Variants in WDR97 observed in about 807,000 individuals in gnomAD.
WDR97 encodes WD repeat domain 97.
Under a neutral mutation model 65.4 loss-of-function variants are expected in WDR97, and 111 were observed. The observed-to-expected ratio is 1.70, with a 90% confidence interval of 1.45 to 1.99. WDR97 has a LOEUF of 1.99. WDR97 is among the 30% of genes most tolerant of loss of function. The pLI, the probability that WDR97 is intolerant of heterozygous loss-of-function variation, is 0.00. For missense variants in WDR97, 1,674 were observed against 865.0 expected (o/e 1.94, Z -11.73); for synonymous variants, 802 against 397.7 (o/e 2.02, Z -12.10).
chr8:144,116,242 C>T lies in WDR97; in HGVS notation c.4818C>T (p.Ala1606=), dbSNP rs770232289. 1 of 677,102 alleles carries T rather than the reference C, an allele frequency of 1.5e-6. No homozygotes were observed. The highest frequency in any genetic ancestry group is 1.5e-5 in the South Asian group (1 of 65,112). The allele number at this position is 677,102 out of a possible 1,614,324, so 41.9% of individuals were successfully genotyped here. The part of the protein sequence containing the change: ...RPLPPRLLQP[A]LQRYFLPADA... Reference sequence around the variant, plus strand: ...TGCCCCCGCGGCTCCTGCAGCCGGCCCTGCAGCGCTACTTTCTGCCAGCGG... The same window carrying T: ...TGCCCCCGCGGCTCCTGCAGCCGGCTCTGCAGCGCTACTTTCTGCCAGCGG... The change falls in exon 24 of 24, where the codon GCC becomes GCT. Residue 1606 remains alanine (A), a synonymous_variant. Transcript: ENST00000323662.
chr8:144,111,328 C>T, intron 10 of WDR97, 98 bp from the exon 11 acceptor site: 1 of 702,764 alleles, frequency 1.4e-6, no homozygotes, highest in Non-Finnish European at 2.6e-6. Flanking sequence ...CTGCCTGAGC[C>T]CTGGCACACC....
At position 144,114,167 on chromosome 8, in the gene WDR97, G is replaced by C; in HGVS notation, c.3594+5G>C. ...TTCCCCATCTTCAGCCTGCAGGTTG[G>C]AGGGAACTGGGGATGCATGAGAAGC... On this transcript the variant is annotated splice_donor_5th_base_variant and intron_variant, in intron 18 of 23. Transcript: ENST00000323662. 5 of 702,444 alleles carry C rather than the reference G, an allele frequency of 7.1e-6. No homozygotes were observed. The highest frequency in any genetic ancestry group is 1.3e-5 in the Non-Finnish European group (5 of 384,708). The allele number at this position is 702,444 out of a possible 1,614,324, so 43.5% of individuals were successfully genotyped here. A position where few individuals can be genotyped will look rare whatever the true frequency, so the allele number is the denominator to read the frequency against.
Position 144,109,436 on chromosome 8 carries a change from G to A in WDR97, c.1102G>A (p.Val368Met). 1 of 701,890 alleles carries A rather than the reference G, an allele frequency of 1.4e-6. No individual in the cohort carries two copies. Among genetic ancestry groups the A allele is most frequent in the Non-Finnish European group, 2.6e-6 (1 of 384,568 alleles). The allele number at this position is 701,890 out of a possible 1,614,324, so 43.5% of individuals were successfully genotyped here. ...CTGGGACCTGCAGGCGGCGGCGCAG[G>A]TGGGCGAGGTAGCGCTGGGCTTCTG... ...RTWDLQAAAQ[V>M]GEVALGFWGQ... Residue 368 changes from valine (V) to methionine (M), a missense_variant, in exon 5 of 24, where the codon GTG becomes ATG. Transcript: ENST00000323662.
Position 144,108,215 on chromosome 8 carries a change from C to A in WDR97, c.249+20C>A, listed in dbSNP as rs1836457158. 2.9e-6 allele frequency: 2 copies of A among 697,758 alleles called. No individual in the cohort carries two copies. The highest frequency in any genetic ancestry group is 2.7e-5 in the East Asian group (1 of 37,152). 43.2% of individuals were successfully genotyped at this position (697,758 alleles called of 1,614,324 possible). On this transcript the variant is annotated intron_variant, in intron 2 of 23. Transcript: ENST00000323662. ...GAAAAGGTGCGGTGTGCCTGTCCTG[C>A]GCCTCCTGGCCTCTTTCCGGATCTG...
At position 144,115,708 on chromosome 8, in the gene WDR97, GC is replaced by G. The variant is rs760018106; in HGVS notation, c.4449del (p.Ile1484SerfsTer69). The G allele has an allele frequency of 1.4e-6, 1 of 701,564 alleles. No homozygotes were observed. The highest frequency in any genetic ancestry group is 2.0e-5 in the Admixed American group (1 of 49,940). 43.5% of individuals were successfully genotyped at this position (701,564 alleles called of 1,614,324 possible). A position where few individuals can be genotyped will look rare whatever the true frequency, so the allele number is the denominator to read the frequency against. ...DWSHSQLLDL[G>X]PIDALNFFCE... is the part of the protein sequence containing the mutation. ...TCGCACTCGCAGCTGCTGGACTTGGGCCCCATCGACGCGCTCAACTTCTTCT... is the reference window on the plus strand; with the variant it reads ...TCGCACTCGCAGCTGCTGGACTTGGGCCCATCGACGCGCTCAACTTCTTCT... On this transcript the variant is annotated frameshift_variant, in exon 22 of 24. Coordinates refer to ENST00000323662, the MANE Select transcript of WDR97 (RefSeq NM_001316309.2). LOFTEE classifies it high-confidence loss of function.
chr8:144,113,810 C>A lies in WDR97; in HGVS notation c.3337C>A (p.Leu1113Met), dbSNP rs767046267. The A allele has an allele frequency of 1.0e-5, 7 of 702,288 alleles. No individual in the cohort carries two copies. The highest frequency in any genetic ancestry group is 2.3e-4 in the Middle Eastern group (1 of 4,384). The allele number at this position is 702,288 out of a possible 1,614,324, so 43.5% of individuals were successfully genotyped here. ...EEEEEKEDEE[L>M]DWALASLSPH... Reference sequence around the variant, plus strand: ...GGAGGAGGAGAAGGAAGACGAGGAGCTGGACTGGGCCTTGGCTTCCCTGAG... The same window carrying A: ...GGAGGAGGAGAAGGAAGACGAGGAGATGGACTGGGCCTTGGCTTCCCTGAG... The change falls in exon 17 of 24, where the codon CTG becomes ATG. Residue 1113 changes from leucine to methionine, a missense_variant. Transcript: ENST00000323662.
In WDR97 at chr8:144,110,523, GA is replaced by G; in HGVS notation, c.2027del (p.Asp676AlafsTer5). ...CGGCCTGGTGCAGTTTGGCCTGGGC[GA>G]CAGTCCGCGATTAGACCACCGGCCC... ...TYGLVQFGLGDSPRLDHRPQD... is the reference protein window; with the variant it reads ...TYGLVQFGLGXSPRLDHRPQD... On this transcript the variant is annotated frameshift_variant, in exon 7 of 24. Transcript: ENST00000323662. LOFTEE classifies it high-confidence loss of function. 1 of 702,896 alleles carries G rather than the reference GA, an allele frequency of 1.4e-6. No individual in the cohort carries two copies. The highest frequency in any genetic ancestry group is 2.6e-6 in the Non-Finnish European group (1 of 384,956). 43.5% of individuals were successfully genotyped at this position (702,896 alleles called of 1,614,324 possible). A position where few individuals can be genotyped will look rare whatever the true frequency, so the allele number is the denominator to read the frequency against.
In WDR97 at chr8:144,113,818, G is replaced by T; in HGVS notation, c.3345G>T (p.Trp1115Cys). The T allele has an allele frequency of 1.4e-6, 1 of 702,448 alleles. No individual in the cohort carries two copies. The highest frequency in any genetic ancestry group is 2.6e-6 in the Non-Finnish European group (1 of 384,618). The allele number at this position is 702,448 out of a possible 1,614,324, so 43.5% of individuals were successfully genotyped here. ...AGAAGGAAGACGAGGAGCTGGACTGGGCCTTGGCTTCCCTGAGCCCGCACT... is the reference window on the plus strand; with the variant it reads ...AGAAGGAAGACGAGGAGCTGGACTGTGCCTTGGCTTCCCTGAGCCCGCACT... ...EEEKEDEELDWALASLSPHSN... is the reference protein window; with the variant it reads ...EEEKEDEELDCALASLSPHSN... The change falls in exon 17 of 24, where the codon TGG becomes TGT. Residue 1115 changes from tryptophan (W) to cysteine (C), a missense_variant. Transcript: ENST00000323662.
intron 15 of WDR97, chr8:144,113,214 G>A (rs547386902): frequency 5.1e-5 from 29 of 566,492 alleles, no homozygotes; most frequent in Non-Finnish European, 6.8e-5. Context: ...TTCCCTTCTC[G>A]TTTGTCAGAG....
intron 15 of WDR97, 177 bp downstream of exon 15, chr8:144,112,707 C>T (rs1836575208): frequency 3.2e-6 from 2 of 619,418 alleles, no homozygotes; most frequent in South Asian, 3.6e-5. Context: ...CACCCTTCAC[C>T]CTCTGTCTAG....
At position 144,108,942 on chromosome 8, in the gene WDR97, A is replaced by C; in HGVS notation, c.876A>C (p.Lys292Asn). ...TAGATGTGCGCCGGGATTTGCACAA[A>C]ACGTGAGGGGGATCCCCCTAGGGAG... ...TLVDVRRDLHKTTISDLAYCE... is the reference protein window; with the variant it reads ...TLVDVRRDLHNTTISDLAYCE... The change falls in exon 3 of 24, where the codon AAA (lysine) becomes AAC (asparagine). Residue 292 changes from lysine (K) to asparagine (N), a missense_variant and splice_region_variant. By Grantham distance (94) the Lys-to-Asn change is moderately conservative. Coordinates refer to ENST00000323662, the MANE Select transcript of WDR97 (RefSeq NM_001316309.2). The C allele has an allele frequency of 1.4e-6, 1 of 702,956 alleles. No homozygotes were observed. The highest frequency in any genetic ancestry group is 1.5e-5 in the South Asian group (1 of 67,602). 43.5% of individuals were successfully genotyped at this position (702,956 alleles called of 1,614,324 possible). A position where few individuals can be genotyped will look rare whatever the true frequency, so the allele number is the denominator to read the frequency against.
At position 144,111,239 on chromosome 8, in the gene WDR97, C is replaced by T; in HGVS notation, c.2426+17C>T. The T allele has an allele frequency of 1.4e-6, 1 of 702,698 alleles. No individual in the cohort carries two copies. Among genetic ancestry groups the T allele is most frequent in the Non-Finnish European group, 2.6e-6 (1 of 384,992 alleles). 43.5% of individuals were successfully genotyped at this position (702,698 alleles called of 1,614,324 possible). On this transcript the variant is annotated intron_variant, in intron 10 of 23. Transcript: ENST00000323662. ...CAGCCTCAGGTCCCATGCAGGCCTG[C>T]TCAGCCCTCCTGGAGGCCCTCCTTT...
At position 144,108,215 on chromosome 8, in the gene WDR97, C is replaced by T; in HGVS notation, c.249+20C>T. The T allele has an allele frequency of 2.9e-6, 2 of 697,760 alleles. No individual in the cohort carries two copies. Among genetic ancestry groups the T allele is most frequent in the East Asian group, 2.7e-5 (1 of 37,152 alleles). 43.2% of individuals were successfully genotyped at this position (697,760 alleles called of 1,614,324 possible). A position where few individuals can be genotyped will look rare whatever the true frequency, so the allele number is the denominator to read the frequency against. On this transcript the variant is annotated intron_variant, in intron 2 of 23. Transcript: ENST00000323662. ...GAAAAGGTGCGGTGTGCCTGTCCTG[C>T]GCCTCCTGGCCTCTTTCCGGATCTG...
At position 144,115,403 on chromosome 8, in the gene WDR97, G is replaced by A. The variant is rs748805712; in HGVS notation, c.4140G>A (p.Ser1380=). 47 of 651,422 alleles carry A rather than the reference G, an allele frequency of 7.2e-5. No homozygotes were observed. The highest frequency in any genetic ancestry group is 5.1e-4 in the South Asian group (31 of 60,904). 40.4% of individuals were successfully genotyped at this position (651,422 alleles called of 1,614,324 possible). The part of the protein sequence containing the change: ...GAPTRASVIP[S]GTSWSASGIF... ...CCACACGCGCCTCCGTGATACCCTC[G>A]GGCACCTCCTGGTCGGCCTCCGGCA... Residue 1380 remains serine (S), a synonymous_variant, in exon 22 of 24, where the codon TCG becomes TCA. Coordinates refer to ENST00000323662, the MANE Select transcript of WDR97 (RefSeq NM_001316309.2).
At position 144,114,687 on chromosome 8, in the gene WDR97, T is replaced by C. The variant is rs1836616537; in HGVS notation, c.3914+12T>C. Reference sequence around the variant, plus strand: ...CCCGTGCACTGCCGGTGAGTTGCGCTCCTGCCCAGCCCTCCCTGCCACTGG... The same window carrying C: ...CCCGTGCACTGCCGGTGAGTTGCGCCCCTGCCCAGCCCTCCCTGCCACTGG... On this transcript the variant is annotated intron_variant, in intron 20 of 23. Coordinates refer to ENST00000323662, the MANE Select transcript of WDR97 (RefSeq NM_001316309.2). The C allele has an allele frequency of 2.8e-6, 2 of 702,558 alleles. No individual in the cohort carries two copies. The highest frequency in any genetic ancestry group is 5.2e-6 in the Non-Finnish European group (2 of 384,942). The allele number at this position is 702,558 out of a possible 1,614,324, so 43.5% of individuals were successfully genotyped here.
At position 144,115,346 on chromosome 8, in the gene WDR97, C is replaced by A; in HGVS notation, c.4083C>A (p.Thr1361=). The A allele has an allele frequency of 1.7e-6, 1 of 599,078 alleles. No homozygotes were observed. Among genetic ancestry groups the A allele is most frequent in the Middle Eastern group, 2.6e-4 (1 of 3,868 alleles). 37.1% of individuals were successfully genotyped at this position (599,078 alleles called of 1,614,324 possible). A position where few individuals can be genotyped will look rare whatever the true frequency, so the allele number is the denominator to read the frequency against. Residue 1361 remains threonine, a synonymous_variant, in exon 22 of 24, where the codon ACC becomes ACA. Coordinates refer to ENST00000323662, the MANE Select transcript of WDR97 (RefSeq NM_001316309.2). ...LEDMIQELQE[T]PSQTSVVSGA... is the part of the protein sequence containing the mutation. ...CACTTTCCTCTCCTCCCAAGGAGACCCCATCGCAGACGTCAGTGGTCTCTG... is the reference window on the plus strand; with the variant it reads ...CACTTTCCTCTCCTCCCAAGGAGACACCATCGCAGACGTCAGTGGTCTCTG...
At position 144,108,883 on chromosome 8, in the gene WDR97, G is replaced by A. The variant is rs945490577; in HGVS notation, c.817G>A (p.Val273Met). 1 of 702,930 alleles carries A rather than the reference G, an allele frequency of 1.4e-6. No homozygotes were observed. The highest frequency in any genetic ancestry group is 2.7e-5 in the East Asian group (1 of 37,280). 43.5% of individuals were successfully genotyped at this position (702,930 alleles called of 1,614,324 possible). ...LRCFAAYGSA[V>M]LTFDLHAWTL... ...CTGCTTCGCGGCCTATGGCTCGGCC[G>A]TGCTCACCTTCGATCTGCATGCCTG... Residue 273 changes from valine (V) to methionine (M), a missense_variant, in exon 3 of 24, where the codon GTG becomes ATG. Val to Met is a conservative substitution (Grantham distance 21, BLOSUM62 1). Coordinates refer to ENST00000323662, the MANE Select transcript of WDR97 (RefSeq NM_001316309.2).
chr8:144,111,937 A>G lies in WDR97; in HGVS notation c.2688A>G (p.Arg896=). The G allele has an allele frequency of 1.4e-6, 1 of 702,380 alleles. No homozygotes were observed. The highest frequency in any genetic ancestry group is 2.6e-6 in the Non-Finnish European group (1 of 384,886). The allele number at this position is 702,380 out of a possible 1,614,324, so 43.5% of individuals were successfully genotyped here. The stretch of plus-strand genomic sequence containing the variant: ...AGCAGTGGAGTGCCGGGACCCTCAG[A>G]GTGGAGAGAGAGACCCGGGATGTGT... ...GSQQWSAGTL[R]VERETRDVCA... Residue 896 remains arginine, a synonymous_variant, in exon 13 of 24, where the codon AGA becomes AGG. Coordinates refer to ENST00000323662, the MANE Select transcript of WDR97 (RefSeq NM_001316309.2).
In WDR97 at chr8:144,108,576, C is replaced by T; in HGVS notation, c.510C>T (p.Gly170=). 1.4e-6 allele frequency: 1 copy of T among 700,796 alleles called. No homozygotes were observed. Among genetic ancestry groups the T allele is most frequent in the South Asian group, 1.5e-5 (1 of 67,518 alleles). The allele number at this position is 700,796 out of a possible 1,614,324, so 43.4% of individuals were successfully genotyped here. A position where few individuals can be genotyped will look rare whatever the true frequency, so the allele number is the denominator to read the frequency against. Residue 170 remains glycine, a synonymous_variant, in exon 3 of 24, where the codon GGC becomes GGT. Coordinates refer to ENST00000323662, the MANE Select transcript of WDR97 (RefSeq NM_001316309.2). ...LGAVGRFVGW[G]PAGLAILRPN... is the part of the protein sequence containing the mutation. ...CCGTGGGCCGTTTTGTAGGCTGGGG[C>T]CCCGCGGGGCTGGCAATTCTGAGGC...
Sources: allele counts gnomAD v4.1 joint callset, GRCh38; gene constraint gnomAD v4.1.1; transcripts MANE v1.5; gene names NCBI Gene and HGNC (gene_info 2026-07-23, HGNC 2026-07-21).